The following PHTF1 variants were observed in gnomAD, a reference collection of about 807,000 sequenced individuals.
PHTF1 encodes the protein putative homeodomain transcription factor 1, also known as protein PHTF1.
A neutral mutation model predicts 102.4 loss-of-function variants in PHTF1; 88 were observed. The ratio of observed to expected loss-of-function variants is 0.86; its 90% confidence interval spans 0.72 to 1.03. The LOEUF (loss-of-function observed/expected upper bound fraction) is 1.03. Ranked by LOEUF, PHTF1 falls within the 50% of genes least tolerant of loss-of-function variation. PHTF1 has a pLI of 0.00. For missense variants in PHTF1, 814 were observed against 909.5 expected, an observed-to-expected ratio of 0.89 and a Z score of 1.35; for synonymous variants, 289 against 305.2, an observed-to-expected ratio of 0.95 and a Z score of 0.55.
At position 113,757,754 on chromosome 1, in the gene PHTF1, A is replaced by G. The variant is rs148874264; in HGVS notation, c.47T>C (p.Ile16Thr). The change falls in exon 3 of 19, where the codon ATT becomes ACT. Residue 16 changes from isoleucine to threonine, a missense_variant and splice_region_variant. By Grantham distance (89) the Ile-to-Thr change is moderately conservative (BLOSUM62 -1). Coordinates refer to ENST00000369604, the MANE Select transcript of PHTF1 (RefSeq NM_001323043.2). ...RDAISWYQKK[I>T]GAYDQQIWEK... ...CCATATCTGCTGATCGTAGGCTCCA[A>G]TCTGAAAGAGGGAGTAGTCTATTAG... The G allele has an allele frequency of 2.6e-5, 41 of 1,591,590 alleles. No homozygotes were observed. Among genetic ancestry groups the G allele is most frequent in the Non-Finnish European group, 3.3e-5 (38 of 1,159,614 alleles).
intron 3 of PHTF1, among the ~76,000 whole-genome samples, chr1:113,748,822 G>A (rs1442307631): frequency 1.3e-5 from 2 of 152,300 alleles, no homozygotes; most frequent in Non-Finnish European, 1.5e-5. Flanking sequence ...GTGAGCCACT[G>A]TACCCAGCCA....
At chr1:113,721,705 T>C (rs1477298235) in intron 7 of PHTF1, among the ~76,000 whole-genome samples, 1 of 152,184 alleles carries the variant, frequency 6.6e-6, no homozygotes, top group Non-Finnish European at 1.5e-5. Context: ...ATTTCTTTTT[T>C]TTGAGACAGA....
intron 2 of PHTF1, among the ~76,000 whole-genome samples, 169 bp downstream of exon 2, chr1:113,758,490 A>G (rs1280749237): frequency 6.6e-6 from 1 of 151,486 alleles, no homozygotes; most frequent in Non-Finnish European, 1.5e-5. Context: ...AACCGGGTTT[A>G]AAAGACATAA....
Position 113,697,888 on chromosome 1 carries a change from A to C in PHTF1, c.2269-163T>G, listed in dbSNP as rs561455905. ...ACATCATAGAGAAAAAACATTTAAA[A>C]CTTCCAGGATCAAAAATAATACAAT... On this transcript the variant is annotated intron_variant, in intron 18 of 18. Coordinates refer to ENST00000369604, the MANE Select transcript of PHTF1 (RefSeq NM_001323043.2). Among the ~76,000 whole-genome samples the C allele has an allele frequency of 2.0e-4, 30 of 152,308 alleles. 1 individual carries two copies. The East Asian group carries it at 5.6e-3, about 28-fold the overall frequency.
chr1:113,755,924 G>A (rs1252250871), intron 3 of PHTF1, among the ~76,000 whole-genome samples: 2 of 151,838 alleles, frequency 1.3e-5, no homozygotes, highest in African/African-American at 2.4e-5. Flanking sequence ...AAAATTAGCT[G>A]GGCATGGTGG....
chr1:113,697,641 C>T lies in PHTF1; in HGVS notation c.*64G>A, dbSNP rs544724694. Reference sequence around the variant, plus strand: ...TGGGTATCTCACTGGTTTCTGCAGTCATCACTTTCCTTGATAGGTAAGTTT... The same window carrying T: ...TGGGTATCTCACTGGTTTCTGCAGTTATCACTTTCCTTGATAGGTAAGTTT... On this transcript the variant is annotated 3_prime_UTR_variant, in exon 19 of 19. Coordinates refer to ENST00000369604, the MANE Select transcript of PHTF1 (RefSeq NM_001323043.2). 1.2e-4 allele frequency: 140 copies of T among 1,189,226 alleles called. No individual in the cohort carries two copies. The highest frequency in any genetic ancestry group is 1.3e-4 in the Non-Finnish European group (105 of 795,288). The allele number at this position is 1,189,226 out of a possible 1,614,324, so 73.7% of individuals were successfully genotyped here.
chr1:113,711,265 G>A (rs1458554029), intron 10 of PHTF1, among the ~76,000 whole-genome samples: 1 of 152,070 alleles, frequency 6.6e-6, no homozygotes, highest in Non-Finnish European at 1.5e-5. Flanking sequence ...GACCACAATT[G>A]CCTTATTAAT....
intron 3 of PHTF1, among the ~76,000 whole-genome samples, chr1:113,752,373 T>C (rs1432822441): frequency 6.7e-6 from 1 of 149,596 alleles, no homozygotes; most frequent in African/African-American, 2.5e-5. Context: ...GCCACATTCA[T>C]TTGTTACTGT....
Position 113,726,435 on chromosome 1 carries a change from A to G in PHTF1, c.471T>C (p.Asn157=), listed in dbSNP as rs768433368. ...CATCTTACCTTCTTCTTCGATTTCC[A>G]TTGTTTCCTGATGGTCTTGTTATCT... ...STQITRPSGN[N]GNRRRRKLRK... The change falls in exon 6 of 19, where the codon AAT becomes AAC. Residue 157 remains asparagine (N), a synonymous_variant. Coordinates refer to ENST00000369604, the MANE Select transcript of PHTF1 (RefSeq NM_001323043.2). The G allele has an allele frequency of 5.0e-6, 8 of 1,607,726 alleles. No homozygotes were observed. In the East Asian group the frequency reaches 1.1e-4, roughly 23 times the overall value.
intron 7 of PHTF1, chr1:113,714,972 A>T (rs1235253164): frequency 1.3e-5 from 2 of 152,366 alleles, no homozygotes; most frequent in African/African-American, 4.8e-5. Flanking sequence ...GGAAGAGAAC[A>T]AGAGTCTCTC....
intron 3 of PHTF1, among the ~76,000 whole-genome samples, chr1:113,739,197 T>G (rs1341822142): frequency 6.6e-6 from 1 of 152,182 alleles, no homozygotes; most frequent in Non-Finnish European, 1.5e-5. Context: ...CATTTCTTTT[T>G]CTCTATATCT....
intron 16 of PHTF1, chr1:113,700,248 GACA>G (rs1649292932): frequency 3.4e-5 from 24 of 697,972 alleles, no homozygotes; most frequent in Non-Finnish European, 4.0e-5. Context: ...ACGATTCTAA[GACA>G]AAAAAAAAAC....
chr1:113,725,139 T>TA (rs1010465415), intron 6 of PHTF1, among the ~76,000 whole-genome samples: 123 of 148,792 alleles, frequency 8.3e-4, no homozygotes, highest in African/African-American at 2.8e-3. Context: ...CAGAATCTAC[T>TA]AAAAAAAAAA....
At chr1:113,722,734 G>A (rs1415009887) in intron 7 of PHTF1, among the ~76,000 whole-genome samples, 1 of 148,194 alleles carries the variant, frequency 6.7e-6, no homozygotes, top group African/African-American at 2.5e-5. Context: ...CCAACATGGT[G>A]AAACCCCATC....
chr1:113,720,747 C>A (rs928158381), intron 7 of PHTF1, among the ~76,000 whole-genome samples: 1 of 152,128 alleles, frequency 6.6e-6, no homozygotes, highest in Admixed American at 6.5e-5. Flanking sequence ...TAGGAAGTGC[C>A]CCAGTGAGAA....
rs61817589 is a variant in PHTF1 at position 113,758,713 on chromosome 1, C to T, written c.-10G>A. On this transcript the variant is annotated 5_prime_UTR_variant, in exon 2 of 19. Transcript: ENST00000369604. ...TCTCATTTGAGGCCATCTGTGTCTC[C>T]AGCCAGAGAATGGGATTTCACTGAA... is the stretch of plus-strand genomic sequence containing the variant. 0.22 allele frequency: 359,839 copies of T among 1,606,292 alleles called. 46,136 individuals carry two copies. Among genetic ancestry groups the T allele is most frequent in the East Asian group, 0.59 (26,204 of 44,220 alleles).
At position 113,759,114 on chromosome 1, in the gene PHTF1, A is replaced by C. The variant is rs1659329538; in HGVS notation, c.-122T>G. 1.0e-6 allele frequency: 1 copy of C among 985,434 alleles called. No individual in the cohort carries two copies. Among genetic ancestry groups the C allele is most frequent in the Non-Finnish European group, 1.2e-6 (1 of 829,274 alleles). 61.0% of individuals were successfully genotyped at this position (985,434 alleles called of 1,614,324 possible). A position where few individuals can be genotyped will look rare whatever the true frequency, so the allele number is the denominator to read the frequency against. ...GAGGCCGGGGGCGAGGCGGCGGGCC[A>C]GGCAGGCCGCATCTTCCCCTCCAGG... On this transcript the variant is annotated 5_prime_UTR_variant, in exon 1 of 19. Coordinates refer to ENST00000369604, the MANE Select transcript of PHTF1 (RefSeq NM_001323043.2).
At chr1:113,713,475 G>T (rs1651491589) in intron 7 of PHTF1, 37 bp from the exon 8 acceptor site, 6 of 1,177,332 alleles carry the variant, frequency 5.1e-6, no homozygotes, top group Non-Finnish European at 4.9e-6. Flanking sequence ...TTAATTTTTT[G>T]AAAGTAACAC....
chr1:113,715,648 CAAAAAAAAAAAAAAAAAAAAA>C (rs60517410), intron 7 of PHTF1, among the ~76,000 whole-genome samples: 1 of 24,960 alleles, frequency 4.0e-5, no homozygotes, highest in South Asian at 3.3e-3. Context: ...AACCCTGTCT[CAAAAAAAAAAAAAAAAAAAAA>C]AAAAAAAAAA....
Sources: allele counts gnomAD v4.1 joint callset (sites outside exome capture counted in the v4.1 genomes callset), GRCh38; gene constraint gnomAD v4.1.1; transcripts MANE v1.5; gene names NCBI Gene and HGNC (gene_info 2026-07-23, HGNC 2026-07-21).